The following FGD1 variants were observed in gnomAD, a reference collection of about 807,000 sequenced individuals.
The protein encoded by FGD1 is FYVE, RhoGEF and PH domain containing 1.
In FGD1, 12 loss-of-function variants were observed where a neutral mutation model predicts 65.0. The observed-to-expected ratio is 0.18, with a 90% CI of 0.12 to 0.30. The LOEUF (loss-of-function observed/expected upper bound fraction) is 0.30, where lower values mean the gene tolerates loss of function less well. FGD1 is among the 10% of genes least tolerant of loss of function. The pLI, the probability that FGD1 is intolerant of heterozygous loss-of-function variation, is 1.00. For missense variants in FGD1, 542 were observed against 837.6 expected, an observed-to-expected ratio of 0.65 and a Z score of 4.36; for synonymous variants, 333 against 343.9, an observed-to-expected ratio of 0.97 and a Z score of 0.35.
At chrX:54,461,808 A>G (rs1922643925) in intron 8 of FGD1, among the ~76,000 whole-genome samples, 1 of 107,437 alleles carries the variant, frequency 9.3e-6, no homozygotes, top group African/African-American at 3.4e-5. Context: ...GGACCTGGAG[A>G]GTCAGTCTTT....
In FGD1 at chrX:54,495,747, A is replaced by G. The variant is rs768485334; in HGVS notation, c.-315T>C. On this transcript the variant is annotated 5_prime_UTR_variant, in exon 1 of 18. Coordinates refer to ENST00000375135, the MANE Select transcript of FGD1 (RefSeq NM_004463.3). ...GGGGGCCCGCTGGGGAGCGCTGTCT[A>G]TGCGGCTGCGGTTGGGCGAGGGTTG... 1 of 111,035 alleles carries G rather than the reference A, an allele frequency of 9.0e-6. No homozygotes were observed. The allele number at this position is 111,035 out of a possible 1,213,427, so 9.2% of individuals were successfully genotyped here.
At chrX:54,488,409 C>G (rs1181857769) in intron 1 of FGD1, among the ~76,000 whole-genome samples, 4 of 108,022 alleles carry the variant, frequency 3.7e-5, no homozygotes, top group Non-Finnish European at 7.6e-5. Context: ...CACGGTGAAA[C>G]CCCGTCTCTA....
intron 16 of FGD1, 65 bp downstream of exon 16, chrX:54,448,741 C>A: frequency 8.8e-7 from 1 of 1,138,572 alleles, no homozygotes; most frequent in Non-Finnish European, 1.2e-6. Context: ...CCTCCTCAGT[C>A]TCACTGGGTA....
In FGD1 at chrX:54,463,498, TCTAA is replaced by T. The variant is rs1353209606; in HGVS notation, c.1636+1949_1636+1952del. Among the ~76,000 whole-genome samples, 6 of 111,945 alleles carry T rather than the reference TCTAA, an allele frequency of 5.4e-5. No homozygotes were observed. The Admixed American group carries it at 5.7e-4, about 11-fold the overall frequency. ...CTCACTTGGATTATTGCAAAAGGCT[TCTAA>T]CTGATCTCTCAGCTCTCTCTCTCTT... On this transcript the variant is annotated intron_variant, in intron 8 of 17. Transcript: ENST00000375135.
chrX:54,482,572 G>A (rs1438891510), intron 1 of FGD1, among the ~76,000 whole-genome samples: 1 of 111,763 alleles, frequency 8.9e-6, no homozygotes, highest in East Asian at 2.8e-4. Context: ...TAGGGGGATG[G>A]TCCCTCTGAC....
intron 12 of FGD1, among the ~76,000 whole-genome samples, 176 bp from the exon 13 acceptor site, chrX:54,450,477 C>T (rs1452971358): frequency 2.7e-5 from 3 of 111,759 alleles, no homozygotes; most frequent in Admixed American, 9.6e-5. Context: ...ATTTATTCAA[C>T]GATTACTAAT....
In FGD1 at chrX:54,495,408, C is replaced by G; in HGVS notation, c.25G>C (p.Gly9Arg). ...TGTTCGGGCTCCGAAGGCCCGGCGCCCCCCGGGGCTCGGTGGCCATGCATG... is the reference window on the plus strand; with the variant it reads ...TGTTCGGGCTCCGAAGGCCCGGCGCGCCCCGGGGCTCGGTGGCCATGCATG... MHGHRAPG[G>R]AGPSEPEHPA... The change falls in exon 1 of 18, where the codon GGC becomes CGC. Residue 9 changes from glycine (G) to arginine (R), a missense_variant. Around this residue, in one of 6 missense-constraint regions of FGD1, gnomAD observed 297 missense variants for 326.8 expected, o/e 0.91. Coordinates refer to ENST00000375135, the MANE Select transcript of FGD1 (RefSeq NM_004463.3). The G allele has an allele frequency of 3.6e-6, 4 of 1,098,136 alleles. No homozygotes were observed. The highest frequency in any genetic ancestry group is 4.7e-6 in the Non-Finnish European group (4 of 848,003). 90.5% of individuals were successfully genotyped at this position (1,098,136 alleles called of 1,213,427 possible).
chrX:54,488,376 G>C lies in FGD1; in HGVS notation c.307+6750C>G, dbSNP rs1215724951. Among the ~76,000 whole-genome samples the C allele has an allele frequency of 3.7e-5, 4 of 107,322 alleles. No individual in the cohort carries two copies. The East Asian group carries it at 1.2e-3, about 31-fold the overall frequency. The allele number at this position is 107,322 out of a possible 115,157, so 93.2% of individuals were successfully genotyped here. ...CGAGGCGGGTGGATCACGAGGTCAG[G>C]AGATCAACACCACCCTGGCTAACAC... On this transcript the variant is annotated intron_variant, in intron 1 of 17. Transcript: ENST00000375135.
In FGD1 at chrX:54,495,221, G is replaced by A. The variant is rs1178627641; in HGVS notation, c.212C>T (p.Ala71Val). The change falls in exon 1 of 18, where the codon GCT becomes GTT. Residue 71 changes from alanine (A) to valine (V), a missense_variant. By Grantham distance (64) the Ala-to-Val change is moderately conservative (BLOSUM62 0). Around this residue, in one of 6 missense-constraint regions of FGD1, gnomAD observed 297 missense variants for 326.8 expected, o/e 0.91. Transcript: ENST00000375135. ...VGPSDTSLGA[A>V]PGHRVLPCGP... ...GCAGGGCAAGACCCGGTGGCCTGGA[G>A]CAGCGCCCAGGCTGGTGTCCGAGGG... is the stretch of plus-strand genomic sequence containing the variant. 4.2e-6 allele frequency: 5 copies of A among 1,189,187 alleles called. No homozygotes were observed. In the East Asian group the frequency reaches 1.5e-4, roughly 36 times the overall value.
intron 4 of FGD1, among the ~76,000 whole-genome samples, chrX:54,469,737 T>A (rs1479237598): frequency 1.8e-5 from 2 of 112,097 alleles, no homozygotes; most frequent in Non-Finnish European, 3.8e-5. Context: ...AGAGCCTTCA[T>A]CTGCACAGCC....
chrX:54,486,925 G>A (rs57518119), intron 1 of FGD1, among the ~76,000 whole-genome samples: 3 of 106,525 alleles, frequency 2.8e-5, no homozygotes, highest in Non-Finnish European at 3.9e-5. Context: ...CCTGGGAGGT[G>A]GAGGTTGCAG....
intron 16 of FGD1, among the ~76,000 whole-genome samples, chrX:54,448,549 C>T (rs1428828189): frequency 8.9e-6 from 1 of 112,394 alleles, no homozygotes; most frequent in Admixed American, 9.4e-5. Flanking sequence ...GGGCAAATGA[C>T]CCCTCTGGGC....
intron 17 of FGD1, 91 bp from the exon 18 acceptor site, chrX:54,446,505 T>C (rs768629696): frequency 2.3e-6 from 2 of 867,348 alleles, no homozygotes; most frequent in Admixed American, 6.1e-5. Context: ...TGCTCTGTCT[T>C]CAGTCCCCTA....
intron 1 of FGD1, among the ~76,000 whole-genome samples, chrX:54,479,977 G>A (rs1041401104): frequency 3.6e-5 from 4 of 111,840 alleles, no homozygotes; most frequent in Non-Finnish European, 5.6e-5. Flanking sequence ...GCTGTTTACA[G>A]GAACCCTGTG....
At chrX:54,451,102 GT>G (rs1289202882) in intron 12 of FGD1, among the ~76,000 whole-genome samples, 5 of 107,478 alleles carry the variant, frequency 4.7e-5, no homozygotes, top group African/African-American at 1.0e-4. Context: ...AAAGAGGGTA[GT>G]TTTTTTTTCA....
At chrX:54,479,829 C>T (rs1296569697) in intron 1 of FGD1, among the ~76,000 whole-genome samples, 3 of 110,637 alleles carry the variant, frequency 2.7e-5, no homozygotes, top group Non-Finnish European at 5.7e-5. Context: ...TTCCCACCTG[C>T]CCCTTGAATG....
Position 54,495,503 on chromosome X carries a change from G to A in FGD1, c.-71C>T. ...CTCCTGGGGCGGAGGCGCGGGCGGA[G>A]GAGGCCCGGCGCCCGGCGGAGCAGC... On this transcript the variant is annotated 5_prime_UTR_variant, in exon 1 of 18. Coordinates refer to ENST00000375135, the MANE Select transcript of FGD1 (RefSeq NM_004463.3). 2.6e-6 allele frequency: 2 copies of A among 779,563 alleles called. No individual in the cohort carries two copies. Among genetic ancestry groups the A allele is most frequent in the Non-Finnish European group, 3.2e-6 (2 of 616,824 alleles). The allele number at this position is 779,563 out of a possible 1,213,427, so 64.2% of individuals were successfully genotyped here.
chrX:54,487,034 C>A (rs985224618), intron 1 of FGD1, among the ~76,000 whole-genome samples: 1 of 105,110 alleles, frequency 9.5e-6, no homozygotes, highest in African/African-American at 3.4e-5. Context: ...AAACCACAGT[C>A]TTGCTCTGTC....
intron 4 of FGD1, 133 bp downstream of exon 4, chrX:54,469,883 A>T (rs1051405415): frequency 1.2e-4 from 69 of 564,906 alleles, no homozygotes; most frequent in Non-Finnish European, 1.9e-4. Flanking sequence ...AAGGGAAAAG[A>T]CTTGCCCAGT....
Sources: gnomAD v4.1 joint callset for allele counts (sites outside exome capture counted in the v4.1 genomes callset) on GRCh38, gnomAD v4.1.1 for gene constraint, gnomAD v4.1.1 regional missense constraint, MANE v1.5 for transcripts, NCBI Gene and HGNC (gene_info 2026-07-23, HGNC 2026-07-21) for gene names.